Variants in NEDD9 observed in about 807,000 individuals in gnomAD.
The protein encoded by NEDD9 is enhancer of filamentation 1.
NEDD9 carries 26 observed loss-of-function variants against 76.6 expected under a neutral mutation model. That is an observed-to-expected ratio of 0.34 (90% CI 0.25 to 0.47). The LOEUF (loss-of-function observed/expected upper bound fraction) is 0.47, where lower values mean the gene tolerates loss of function less well. Ranked by LOEUF, NEDD9 falls within the 20% of genes least tolerant of loss-of-function variation. The pLI, the probability that NEDD9 is intolerant of heterozygous loss-of-function variation, is 1.00. For synonymous variants in NEDD9, 392 were observed against 414.2 expected (o/e 0.95, Z 0.65); for missense variants, 937 against 1,058.5 (o/e 0.89, Z 1.59).
chr6:11,340,978 T>C (rs950663170), intron 1 of NEDD9, among the ~76,000 whole-genome samples: 6 of 152,172 alleles, frequency 3.9e-5, no homozygotes, highest in Non-Finnish European at 7.4e-5. Flanking sequence ...CTCAGCCATG[T>C]TGCCTCCCTA....
chr6:11,305,083 G>C (rs758363038), intron 3 of NEDD9: 1 of 1,287,460 alleles, frequency 7.8e-7, no homozygotes, highest in South Asian at 1.2e-5. Flanking sequence ...CGTTTGCCCA[G>C]AAAGGAGATT....
At chr6:11,345,989 C>T (rs924590196) in intron 1 of NEDD9, among the ~76,000 whole-genome samples, 9 of 152,232 alleles carry the variant, frequency 5.9e-5, no homozygotes, top group Non-Finnish European at 1.0e-4. Context: ...TACTCTGCCC[C>T]CAGGACCTCC....
At chr6:11,308,226 C>CTGGGTCTAGG (rs1304551624) in intron 2 of NEDD9, among the ~76,000 whole-genome samples, 1 of 151,986 alleles carries the variant, frequency 6.6e-6, no homozygotes, top group Non-Finnish European at 1.5e-5. Context: ...GGGTAGATGG[C>CTGGGTCTAGG]TGGGTCTAGG....
intron 3 of NEDD9, among the ~76,000 whole-genome samples, chr6:11,265,523 C>G (rs1760185308): frequency 6.6e-6 from 1 of 152,166 alleles, no homozygotes; most frequent in Non-Finnish European, 1.5e-5. Flanking sequence ...ACAATTGGAT[C>G]AATTAATGTA....
At chr6:11,234,712 ATTTT>A (rs140513398), upstream of NEDD9, among the ~76,000 whole-genome samples, 47 of 136,946 alleles carry the variant, frequency 3.4e-4, no homozygotes, top group Middle Eastern at 3.7e-3. Context: ...AACATTTTTA[ATTTT>A]TTTTTTTTTT....
chr6:11,252,985 A>G lies in NEDD9; in HGVS notation c.13-39258T>C, dbSNP rs567356001. Among the ~76,000 whole-genome samples the G allele has an allele frequency of 6.6e-4, 100 of 152,304 alleles. No individual in the cohort carries two copies. Among genetic ancestry groups the G allele is most frequent in the Middle Eastern group, 6.8e-3 (2 of 294 alleles). On this transcript the variant is annotated intron_variant, in intron 3 of 3. Coordinates refer to the NEDD9 transcript ENST00000397378. The surrounding 1 kb of genome is among the most constrained non-coding windows in gnomAD (Gnocchi z 4.3). ...TTTAATGCTTTCCTGGCAGTTGCCT[A>G]AGAACAAAACATTATCTTGTGGGAG...
chr6:11,353,153 T>C (rs1762501800), intron 1 of NEDD9, among the ~76,000 whole-genome samples: 1 of 152,188 alleles, frequency 6.6e-6, no homozygotes, highest in African/African-American at 2.4e-5. Flanking sequence ...GATCAAAGAG[T>C]TATTTTTCTG....
chr6:11,352,796 G>A (rs1385230422), intron 1 of NEDD9: 1 of 152,244 alleles, frequency 6.6e-6, no homozygotes, highest in Non-Finnish European at 1.5e-5. Flanking sequence ...AAAAACAGAA[G>A]TGACAGCGGT....
chr6:11,258,228 A>G (rs1233366290), intron 3 of NEDD9, among the ~76,000 whole-genome samples: 4 of 152,278 alleles, frequency 2.6e-5, no homozygotes, highest in Middle Eastern at 6.8e-3. Context: ...GCATTCAGTT[A>G]TGGATGTTCT....
intron 3 of NEDD9, among the ~76,000 whole-genome samples, chr6:11,275,905 A>T (rs1760407404): frequency 6.6e-6 from 1 of 152,026 alleles, no homozygotes; most frequent in Non-Finnish European, 1.5e-5. Context: ...CACCCACATT[A>T]AAAAAAATGA....
At chr6:11,262,008 T>G (rs1245480267) in intron 3 of NEDD9, among the ~76,000 whole-genome samples, 1 of 152,248 alleles carries the variant, frequency 6.6e-6, no homozygotes, top group African/African-American at 2.4e-5. Context: ...TAACTTTATC[T>G]GACTTTGGAG....
chr6:11,378,665 AT>A (rs1433614149), intron 1 of NEDD9, among the ~76,000 whole-genome samples: 1 of 152,110 alleles, frequency 6.6e-6, no homozygotes, highest in Non-Finnish European at 1.5e-5. Flanking sequence ...ATATTTAAAA[AT>A]TTTTTCAAGC....
intron 3 of NEDD9, among the ~76,000 whole-genome samples, chr6:11,254,893 C>T (rs1018874523): frequency 3.3e-5 from 5 of 152,230 alleles, no homozygotes; most frequent in African/African-American, 4.8e-5. Context: ...TTATTCCTAT[C>T]ACCTGAGCTT....
intron 2 of NEDD9, among the ~76,000 whole-genome samples, chr6:11,317,618 G>T (rs1761613410): frequency 6.6e-6 from 1 of 152,132 alleles, no homozygotes; most frequent in African/African-American, 2.4e-5. Context: ...GATGGGGACA[G>T]GCGCCAACTG....
At chr6:11,325,082 A>T (rs1458029784) in intron 2 of NEDD9, among the ~76,000 whole-genome samples, 1 of 152,180 alleles carries the variant, frequency 6.6e-6, no homozygotes, top group Non-Finnish European at 1.5e-5. Flanking sequence ...CAGGCCGGGC[A>T]CGGTGGATTA....
At chr6:11,234,304 A>G (rs1041910560), upstream of NEDD9, among the ~76,000 whole-genome samples, 9 of 152,212 alleles carry the variant, frequency 5.9e-5, no homozygotes, top group East Asian at 1.9e-4. Context: ...TTTGGTGTCT[A>G]CCTGGATAAA....
chr6:11,365,549 G>T (rs1279031603), intron 1 of NEDD9, among the ~76,000 whole-genome samples: 1 of 152,168 alleles, frequency 6.6e-6, no homozygotes, highest in Non-Finnish European at 1.5e-5. Flanking sequence ...GAAGAGTGGT[G>T]GCTTGGAGTT....
At chr6:11,349,224 A>G (rs758662167) in intron 1 of NEDD9, among the ~76,000 whole-genome samples, 5 of 152,210 alleles carry the variant, frequency 3.3e-5, no homozygotes, top group Non-Finnish European at 5.9e-5. Flanking sequence ...ATGAGATACT[A>G]TCTCACACCA....
At chr6:11,228,074 AG>A (rs1181906313) in intron 1 of NEDD9, among the ~76,000 whole-genome samples, 1 of 33,520 alleles carries the variant, frequency 3.0e-5, no homozygotes, top group Admixed American at 4.3e-4. Flanking sequence ...GTGGGAGGCA[AG>A]GGGGCGGCAG....
Sources: allele counts gnomAD v4.1 joint callset (sites outside exome capture counted in the v4.1 genomes callset), GRCh38; gene constraint gnomAD v4.1.1; non-coding constraint Gnocchi (gnomAD v3.1); transcripts MANE v1.5; gene names NCBI Gene and HGNC (gene_info 2026-07-23, HGNC 2026-07-21).